SLC39A6: variants seen among roughly 807,000 people sequenced by gnomAD.
SLC39A6 encodes zinc transporter ZIP6.
In SLC39A6, 51 loss-of-function variants were observed where a neutral mutation model predicts 63.5. That is an observed-to-expected ratio of 0.80 (90% CI 0.64 to 1.01). The LOEUF (loss-of-function observed/expected upper bound fraction) is 1.01. Among genes scored for constraint, SLC39A6 ranks in the 50% least tolerant of loss-of-function variants. The probability of loss-of-function intolerance (pLI) is 0.00; values close to 1 mark genes in which losing one functional copy is unlikely to be tolerated. For missense variants in SLC39A6, 805 were observed against 927.8 expected (o/e 0.87, Z 1.72); for synonymous variants, 318 against 324.7 (o/e 0.98, Z 0.22).
At position 36,115,697 on chromosome 18, in the gene SLC39A6, G is replaced by A. The variant is rs186566944; in HGVS notation, c.1465+977C>T. Among the ~76,000 whole-genome samples, 48 of 152,282 alleles carry A rather than the reference G, an allele frequency of 3.2e-4. No homozygotes were observed. The East Asian group carries it at 6.2e-3, about 20-fold the overall frequency. ...GAGACAAGCCTTATGTGCTCCCAGC[G>A]TGAAAAGAGGGCCAGTGGGGCTGGA... On this transcript the variant is annotated intron_variant, in intron 6 of 9. Transcript: ENST00000269187.
At position 36,122,182 on chromosome 18, in the gene SLC39A6, T is replaced by C. The variant is rs2089400010; in HGVS notation, c.1229A>G (p.Gln410Arg). Reference protein sequence around the residue: ...RGPLFSHLSSQNIEESAYFDS... With the variant: ...RGPLFSHLSSRNIEESAYFDS... ...AAAATAGGCACTTTCTTCTATGTTTTGAGAAGACAGATGACTGAAAAGTGG... is the reference window on the plus strand; with the variant it reads ...AAAATAGGCACTTTCTTCTATGTTTCGAGAAGACAGATGACTGAAAAGTGG... The change falls in exon 5 of 10, where the codon CAA becomes CGA. Residue 410 changes from glutamine to arginine, a missense_variant. Physicochemically the swap from Gln to Arg is conservative, Grantham distance 43 (BLOSUM62 1). This residue lies in a region of SLC39A6 where 639 missense variants were observed against 644.0 expected (regional missense o/e 0.99). Transcript: ENST00000269187. 1 of 1,613,996 alleles carries C rather than the reference T, an allele frequency of 6.2e-7. No homozygotes were observed. The highest frequency in any genetic ancestry group is 1.3e-5 in the African/African-American group (1 of 75,056).
chr18:36,128,774 C>T (rs144588618), intron 1 of SLC39A6, among the ~76,000 whole-genome samples: 6 of 152,182 alleles, frequency 3.9e-5, no homozygotes, highest in African/African-American at 1.4e-4. Context: ...GAGAAAAAGG[C>T]GAGTACAGAA....
At chr18:36,119,632 C>T (rs1598709420) in intron 5 of SLC39A6, among the ~76,000 whole-genome samples, 1 of 150,794 alleles carries the variant, frequency 6.6e-6, no homozygotes, top group African/African-American at 2.5e-5. Context: ...AGAGTTATAA[C>T]CTAGAGTTAA....
In SLC39A6 at chr18:36,119,354, C is replaced by T. The variant is rs79573783; in HGVS notation, c.1360-2575G>A. On this transcript the variant is annotated intron_variant, in intron 5 of 9. Coordinates refer to ENST00000269187, the MANE Select transcript of SLC39A6 (RefSeq NM_012319.4). Reference sequence around the variant, plus strand: ...TTATGCTTATTTGCTGTTTCATGCTCCTTAAACATTCAATATTTACTACCA... The same window carrying T: ...TTATGCTTATTTGCTGTTTCATGCTTCTTAAACATTCAATATTTACTACCA... Among the ~76,000 whole-genome samples, 797 of 152,208 alleles carry T rather than the reference C, an allele frequency of 5.2e-3. 3 individuals are homozygous for T. Among genetic ancestry groups the T allele is most frequent in the African/African-American group, 0.018 (764 of 41,520 alleles).
chr18:36,112,424 G>C, intron 8 of SLC39A6, 77 bp downstream of exon 8: 1 of 1,029,330 alleles, frequency 9.7e-7, no homozygotes. Flanking sequence ...GAAGCTTGCT[G>C]AACTACCATT....
At chr18:36,118,155 T>C (rs1206107726) in intron 5 of SLC39A6, among the ~76,000 whole-genome samples, 1 of 152,210 alleles carries the variant, frequency 6.6e-6, no homozygotes, top group Non-Finnish European at 1.5e-5. Context: ...TTAAATCATT[T>C]ATGCTGGTGC....
At chr18:36,120,927 T>C (rs760982442) in intron 5 of SLC39A6, among the ~76,000 whole-genome samples, 5 of 152,210 alleles carry the variant, frequency 3.3e-5, no homozygotes, top group South Asian at 2.1e-4. Flanking sequence ...ACCTAGATTC[T>C]ACATTCAGAA....
chr18:36,116,624 A>G, intron 6 of SLC39A6, 50 bp downstream of exon 6: 2 of 1,286,440 alleles, frequency 1.6e-6, no homozygotes, highest in Non-Finnish European at 1.1e-6. Flanking sequence ...CCTGCAAATC[A>G]TACAGCAATG....
chr18:36,116,670 T>A lies in SLC39A6; in HGVS notation c.1465+4A>T. 5 of 1,595,654 alleles carry A rather than the reference T, an allele frequency of 3.1e-6. No homozygotes were observed. Among genetic ancestry groups the A allele is most frequent in the Non-Finnish European group, 3.4e-6 (4 of 1,163,832 alleles). On this transcript the variant is annotated splice_donor_region_variant and intron_variant, in intron 6 of 9. Transcript: ENST00000269187. ...AGCCCTAAAATTTATGCATAAGAACTTACGATCATCTGTATCTACTTTCTC... is the reference window on the plus strand; with the variant it reads ...AGCCCTAAAATTTATGCATAAGAACATACGATCATCTGTATCTACTTTCTC...
chr18:36,109,490 C>A lies in SLC39A6; in HGVS notation c.*103G>T. ...ATATTCAATACAAAAATCACAAAACCCACTAACTTTAAACGCTGCATAGTA... is the reference window on the plus strand; with the variant it reads ...ATATTCAATACAAAAATCACAAAACACACTAACTTTAAACGCTGCATAGTA... On this transcript the variant is annotated 3_prime_UTR_variant, in exon 10 of 10. Coordinates refer to ENST00000269187, the MANE Select transcript of SLC39A6 (RefSeq NM_012319.4). 1 of 821,584 alleles carries A rather than the reference C, an allele frequency of 1.2e-6. No homozygotes were observed. Among genetic ancestry groups the A allele is most frequent in the African/African-American group, 1.8e-5 (1 of 57,106 alleles). 50.9% of individuals were successfully genotyped at this position (821,584 alleles called of 1,614,324 possible).
intron 3 of SLC39A6, among the ~76,000 whole-genome samples, chr18:36,124,134 A>G (rs2089416090): frequency 2.6e-5 from 4 of 152,174 alleles, no homozygotes; most frequent in Admixed American, 2.6e-4. Context: ...TTGAGCAATG[A>G]GACCCTACGC....
Position 36,116,713 on chromosome 18 carries a change from G to T in SLC39A6, c.1426C>A (p.Gln476Lys). 3 of 1,613,102 alleles carry T rather than the reference G, an allele frequency of 1.9e-6. No individual in the cohort carries two copies. Among genetic ancestry groups the T allele is most frequent in the Non-Finnish European group, 2.5e-6 (3 of 1,179,454 alleles). ...IKKQLSKYES[Q>K]LSTNEEKVDT... ...ACTTTCTCCTCATTTGTTGAAAGTTGAGATTCATACTTGGACAACTGCTTC... is the reference window on the plus strand; with the variant it reads ...ACTTTCTCCTCATTTGTTGAAAGTTTAGATTCATACTTGGACAACTGCTTC... Residue 476 changes from glutamine (Q) to lysine (K), a missense_variant, in exon 6 of 10, where the codon CAA becomes AAA. Gln to Lys is a moderately conservative substitution (Grantham distance 53). Transcript: ENST00000269187.
At chr18:36,110,676 C>T (rs2089293831) in intron 9 of SLC39A6, among the ~76,000 whole-genome samples, 1 of 151,984 alleles carries the variant, frequency 6.6e-6, no homozygotes, top group African/African-American at 2.4e-5. Flanking sequence ...GTAGCTGGGA[C>T]TACAGGCGCA....
chr18:36,115,232 G>C (rs565708374), intron 6 of SLC39A6, among the ~76,000 whole-genome samples: 2 of 152,044 alleles, frequency 1.3e-5, no homozygotes, highest in African/African-American at 4.8e-5. Context: ...ACAACGTCAG[G>C]GGATCGAGAC....
intron 9 of SLC39A6, among the ~76,000 whole-genome samples, chr18:36,110,205 T>G (rs2089290125): frequency 6.6e-6 from 1 of 152,176 alleles, no homozygotes; most frequent in Non-Finnish European, 1.5e-5. Context: ...GGGATTGTTT[T>G]GAGGACATTA....
intron 6 of SLC39A6, among the ~76,000 whole-genome samples, chr18:36,114,870 T>C (rs2089331055): frequency 6.6e-6 from 1 of 152,066 alleles, no homozygotes; most frequent in Admixed American, 6.6e-5. Context: ...GTAATGAAAA[T>C]TAGAAATAAA....
In SLC39A6 at chr18:36,126,404, G is replaced by C; in HGVS notation, c.604C>G (p.Leu202Val). Residue 202 changes from leucine to valine, a missense_variant, in exon 2 of 10, where the codon CTA becomes GTA. Coordinates refer to ENST00000269187, the MANE Select transcript of SLC39A6 (RefSeq NM_012319.4). ...YNTVSEGTHFLETIETPRPGK... is the reference protein window; with the variant it reads ...YNTVSEGTHFVETIETPRPGK... ...GGTCTTGGAGTCTCTATTGTCTCTA[G>C]AAAGTGAGTTCCTTCAGAGACAGTG... 6.2e-7 allele frequency: 1 copy of C among 1,614,208 alleles called. No homozygotes were observed. Among genetic ancestry groups the C allele is most frequent in the Non-Finnish European group, 8.5e-7 (1 of 1,180,034 alleles).
In SLC39A6 at chr18:36,129,240, G is replaced by A. The variant is rs1440751041; in HGVS notation, c.-136C>T. 1 of 155,164 alleles carries A rather than the reference G, an allele frequency of 6.4e-6. No individual in the cohort carries two copies. Among genetic ancestry groups the A allele is most frequent in the African/African-American group, 2.4e-5 (1 of 41,472 alleles). The allele number at this position is 155,164 out of a possible 1,614,324, so 9.6% of individuals were successfully genotyped here. A position where few individuals can be genotyped will look rare whatever the true frequency, so the allele number is the denominator to read the frequency against. The stretch of plus-strand genomic sequence containing the variant: ...AAATCTCTACCAGGCGCGAACACGC[G>A]GTGGTTTCATTGGGTTGGCTGCCCC... On this transcript the variant is annotated 5_prime_UTR_variant, in exon 1 of 10. Coordinates refer to ENST00000269187, the MANE Select transcript of SLC39A6 (RefSeq NM_012319.4).
At position 36,109,751 on chromosome 18, in the gene SLC39A6, A is replaced by T. The variant is rs890413234; in HGVS notation, c.2116-6T>A. 1.1e-5 allele frequency: 17 copies of T among 1,587,822 alleles called. No individual in the cohort carries two copies. In the Admixed American group the frequency reaches 2.7e-4, roughly 25 times the overall value. ...TTGTGCAGCATTTCAGGTACCTTTA[A>T]AAAAAAGTAAGGGAAAATAAGAGTG... On this transcript the variant is annotated splice_polypyrimidine_tract_variant and splice_region_variant and intron_variant, in intron 9 of 9. Coordinates refer to ENST00000269187, the MANE Select transcript of SLC39A6 (RefSeq NM_012319.4).
Sources: allele counts gnomAD v4.1 joint callset (sites outside exome capture counted in the v4.1 genomes callset), GRCh38; gene constraint gnomAD v4.1.1; regional missense constraint gnomAD v4.1.1; transcripts MANE v1.5; gene names NCBI Gene and HGNC (gene_info 2026-07-23, HGNC 2026-07-21).